The following CDC42BPA variants were observed in gnomAD, a reference collection of about 807,000 sequenced individuals.
CDC42BPA encodes the protein serine/threonine-protein kinase MRCK alpha.
In CDC42BPA, 80 loss-of-function variants were observed where a neutral mutation model predicts 223.5. The ratio of observed to expected loss-of-function variants is 0.36; its 90% CI spans 0.30 to 0.43. The LOEUF is 0.43. Ranked by LOEUF, CDC42BPA falls within the 20% of genes least tolerant of loss-of-function variation. The pLI is 1.00. For missense variants in CDC42BPA, 1,743 were observed against 2,099.9 expected (o/e 0.83, Z 3.32); for synonymous variants, 694 against 718.6 (o/e 0.97, Z 0.55).
At chr1:227,165,197 A>C (rs1664815231) in intron 5 of CDC42BPA, among the ~76,000 whole-genome samples, 1 of 152,230 alleles carries the variant, frequency 6.6e-6, no homozygotes, top group African/African-American at 2.4e-5. Context: ...AACTACAGTA[A>C]AATGACAATA....
At chr1:227,045,052 T>C (rs1672156784) in intron 23 of CDC42BPA, among the ~76,000 whole-genome samples, 1 of 152,200 alleles carries the variant, frequency 6.6e-6, no homozygotes, top group African/African-American at 2.4e-5. Context: ...CCCTCTGGTT[T>C]CCTATTCCAG....
At chr1:227,101,326 C>T in intron 14 of CDC42BPA, 87 bp from the exon 15 acceptor site, 3 of 736,666 alleles carry the variant, frequency 4.1e-6, no homozygotes, top group Non-Finnish European at 6.1e-6. Context: ...AATGAGTATT[C>T]ATATAACTGC....
chr1:227,192,602 ATGAT>A (rs1305587310), intron 5 of CDC42BPA, among the ~76,000 whole-genome samples: 1 of 152,188 alleles, frequency 6.6e-6, no homozygotes, highest in Non-Finnish European at 1.5e-5. Flanking sequence ...TCTCATTTGA[ATGAT>A]TAATTCACCA....
At chr1:227,126,474 A>AGGAAGGAAGGAAGGAG in intron 11 of CDC42BPA, among the ~76,000 whole-genome samples, 1 of 42,004 alleles carries the variant, frequency 2.4e-5, no homozygotes, top group African/African-American at 1.1e-4. Context: ...AAAGGAAGGA[A>AGGAAGGAAGGAAGGAG]GGAAGGAAGG....
At position 227,074,308 on chromosome 1, in the gene CDC42BPA, G is replaced by A. The variant is rs376559124; in HGVS notation, c.2537C>T (p.Thr846Ile). The part of the protein sequence containing the change: ...GYLQALASKM[T>I]EELEALRNSS... ...ATTTCTTAATGCCTCCAATTCTTCA[G>A]TCATTTTAGAAGCTAAGGCCTGAAG... The change falls in exon 18 of 37, where the codon ACT becomes ATT. Residue 846 changes from threonine (T) to isoleucine (I), a missense_variant. This residue lies in a region of CDC42BPA where 36 missense variants were observed against 71.9 expected (regional missense o/e 0.50). Transcript: ENST00000366766. The A allele has an allele frequency of 8.1e-6, 13 of 1,613,604 alleles. No homozygotes were observed. The African/African-American group carries it at 1.6e-4, about 20-fold the overall frequency.
rs1218416254 is a variant in CDC42BPA, at chr1:227,031,287, T to C, written c.3775+11A>G. ...AATGATAATAATATGATAAATGTTA[T>C]AAATTCATACCTATGATTGCGGCTG... On this transcript the variant is annotated intron_variant, in intron 28 of 36. Coordinates refer to ENST00000366766, the MANE Select transcript of CDC42BPA (RefSeq NM_001394014.1). 1 of 1,594,834 alleles carries C rather than the reference T, an allele frequency of 6.3e-7. No homozygotes were observed.
chr1:227,033,803 A>G (rs1285602245), intron 26 of CDC42BPA, among the ~76,000 whole-genome samples: 1 of 152,054 alleles, frequency 6.6e-6, no homozygotes, highest in East Asian at 1.9e-4. Context: ...AACATCTACA[A>G]CGTATTTCCT....
intron 6 of CDC42BPA, among the ~76,000 whole-genome samples, chr1:227,158,127 A>G (rs537897585): frequency 6.6e-6 from 1 of 151,832 alleles, no homozygotes; most frequent in South Asian, 2.1e-4. Flanking sequence ...ATGCCTGGCT[A>G]ATTTTGTATT....
intron 6 of CDC42BPA, among the ~76,000 whole-genome samples, chr1:227,149,559 T>G (rs1357874226): frequency 2.0e-5 from 3 of 152,104 alleles, no homozygotes; most frequent in Non-Finnish European, 4.4e-5. Context: ...TGTTTAAAAT[T>G]ATTAAAGACC....
At chr1:227,275,872 G>C (rs928060467) in intron 1 of CDC42BPA, among the ~76,000 whole-genome samples, 2 of 152,206 alleles carry the variant, frequency 1.3e-5, no homozygotes, top group African/African-American at 4.8e-5. Flanking sequence ...CCGAGGTGCC[G>C]GGATTGCAGA....
intron 1 of CDC42BPA, among the ~76,000 whole-genome samples, chr1:227,283,716 T>C (rs1238979233): frequency 6.6e-6 from 1 of 152,162 alleles, no homozygotes; most frequent in African/African-American, 2.4e-5. Context: ...CCCCCACCAT[T>C]ATGCATGTAA....
chr1:227,157,853 C>T (rs1322004881), intron 6 of CDC42BPA, among the ~76,000 whole-genome samples: 1 of 152,006 alleles, frequency 6.6e-6, no homozygotes, highest in Non-Finnish European at 1.5e-5. Flanking sequence ...ACTGTACTTT[C>T]TAATCGTAAA....
At chr1:227,129,039 T>G (rs1656420425) in intron 11 of CDC42BPA, 70 bp downstream of exon 11, 1 of 1,069,182 alleles carries the variant, frequency 9.4e-7, no homozygotes. Flanking sequence ...TCAATAGATG[T>G]TTTTTGTGTG....
chr1:227,241,980 C>T (rs114285056), intron 2 of CDC42BPA, among the ~76,000 whole-genome samples: 3,487 of 152,092 alleles, frequency 0.023, 139 homozygotes, highest in African/African-American at 0.078. Context: ...TAAATAATAT[C>T]GTTCCAAAAT....
In CDC42BPA at chr1:227,056,435, T is replaced by C. The variant is rs189576983; in HGVS notation, c.2905-4450A>G. Reference sequence around the variant, plus strand: ...AAGGTCTTTCTCTCTTGCCCTGGGATGTAGGGCAGTGGCACAATCACGGGT... The same window carrying C: ...AAGGTCTTTCTCTCTTGCCCTGGGACGTAGGGCAGTGGCACAATCACGGGT... On this transcript the variant is annotated intron_variant, in intron 21 of 36. Coordinates refer to ENST00000366766, the MANE Select transcript of CDC42BPA (RefSeq NM_001394014.1). Among the ~76,000 whole-genome samples the C allele has an allele frequency of 4.2e-3, 636 of 152,044 alleles. 6 individuals carry two copies. Among genetic ancestry groups the C allele is most frequent in the African/African-American group, 0.015 (611 of 41,476 alleles).
Position 227,129,206 on chromosome 1 carries a change from C to A in CDC42BPA, c.1416G>T (p.Leu472=). Residue 472 remains leucine (L), a synonymous_variant, in exon 11 of 37, where the codon CTG becomes CTT. Transcript: ENST00000366766. The part of the protein sequence containing the change: ...LQESTQTVQA[L]QYSTVDGPLT... ...GTGGACCATCAACAGTTGAATACTG[C>A]AGAGCTTGGACAGTCTGTGTTGACT... 6.3e-7 allele frequency: 1 copy of A among 1,596,042 alleles called. No homozygotes were observed. Among genetic ancestry groups the A allele is most frequent in the Non-Finnish European group, 8.5e-7 (1 of 1,169,958 alleles).
At chr1:227,019,020 A>G (rs959322767) in intron 32 of CDC42BPA, among the ~76,000 whole-genome samples, 2 of 152,308 alleles carry the variant, frequency 1.3e-5, no homozygotes, top group Admixed American at 1.3e-4. Context: ...ACATCAATAA[A>G]GTTTGCCACA....
intron 1 of CDC42BPA, among the ~76,000 whole-genome samples, chr1:227,278,201 C>T (rs1687439292): frequency 6.6e-6 from 1 of 152,216 alleles, no homozygotes; most frequent in Non-Finnish European, 1.5e-5. Context: ...ACTGTCTCTA[C>T]AAAGCTTTTG....
intron 20 of CDC42BPA, among the ~76,000 whole-genome samples, chr1:227,071,133 A>C (rs76510584): frequency 6.6e-6 from 1 of 151,888 alleles, no homozygotes; most frequent in African/African-American, 2.4e-5. Flanking sequence ...AAGAAATTCA[A>C]TCCACAAGAA....
Sources: allele counts gnomAD v4.1 joint callset (sites outside exome capture counted in the v4.1 genomes callset), GRCh38; gene constraint gnomAD v4.1.1; regional missense constraint gnomAD v4.1.1; transcripts MANE v1.5; gene names NCBI Gene and HGNC (gene_info 2026-07-23, HGNC 2026-07-21).